Variants in ATP1A2 observed in about 807,000 individuals in gnomAD.
ATP1A2 encodes sodium/potassium-transporting ATPase subunit alpha-2.
In ATP1A2, 56 loss-of-function variants were observed where a neutral mutation model predicts 113.1. The observed-to-expected ratio is 0.49, with a 90% CI of 0.40 to 0.62. ATP1A2 has a LOEUF of 0.62. Among genes scored for constraint, ATP1A2 ranks in the 20% least tolerant of loss-of-function variants. ATP1A2 has a pLI of 0.00. For missense variants in ATP1A2, 712 were observed against 1,357.8 expected, an observed-to-expected ratio of 0.52 and a Z score of 7.47; for synonymous variants, 490 against 526.8, an observed-to-expected ratio of 0.93 and a Z score of 0.96.
intron 13 of ATP1A2, among the ~76,000 whole-genome samples, chr1:160,132,135 A>G (rs61034695): frequency 4.6e-5 from 7 of 152,334 alleles, no homozygotes; most frequent in African/African-American, 1.7e-4. Context: ...AGTATTCTGC[A>G]AAGCAGTGAG....
chr1:160,128,477 A>T lies in ATP1A2; in HGVS notation c.1018-175A>T, dbSNP rs773699692. 7.8e-6 allele frequency: 12 copies of T among 1,529,164 alleles called. No homozygotes were observed. In the East Asian group the frequency reaches 2.9e-4, roughly 37 times the overall value. 94.7% of individuals were successfully genotyped at this position (1,529,164 alleles called of 1,614,324 possible). ...TAATGGGCATTTCATCTTAACAGAT[A>T]CTCATGATCTCAACACATCTAAAAT... On this transcript the variant is annotated intron_variant, in intron 8 of 22. Coordinates refer to ENST00000361216, the MANE Select transcript of ATP1A2 (RefSeq NM_000702.4).
Position 160,135,086 on chromosome 1 carries a change from C to T in ATP1A2, c.1965-59C>T. Reference sequence around the variant, plus strand: ...TGCGGTGGTGAAGAGAGGCAGGGGGCAGGAGGGGCTGGTACAGGTGCCAGG... The same window carrying T: ...TGCGGTGGTGAAGAGAGGCAGGGGGTAGGAGGGGCTGGTACAGGTGCCAGG... On this transcript the variant is annotated intron_variant, in intron 14 of 22. Coordinates refer to ENST00000361216, the MANE Select transcript of ATP1A2 (RefSeq NM_000702.4). This position sits in a 1 kb window ranked among gnomAD's most constrained non-coding sequence, Gnocchi z 6.3. 2 of 1,609,132 alleles carry T rather than the reference C, an allele frequency of 1.2e-6. No individual in the cohort carries two copies. The highest frequency in any genetic ancestry group is 1.7e-6 in the Non-Finnish European group (2 of 1,177,304).
Position 160,130,265 on chromosome 1 carries a change from T to C in ATP1A2, c.1625T>C (p.Leu542Pro), listed in dbSNP as rs1373218683. ...QDAFQNAYME[L>P]GGLGERVLGF... ...GCCTTTCAAAATGCCTACATGGAGC[T>C]GGGGGGACTTGGGGAGCGTGTGCTG... Residue 542 changes from leucine (L) to proline (P), a missense_variant, in exon 12 of 23, where the codon CTG (leucine) becomes CCG (proline). Leu to Pro is a moderately conservative substitution (Grantham distance 98). Transcript: ENST00000361216. 1 of 1,613,984 alleles carries C rather than the reference T, an allele frequency of 6.2e-7. No individual in the cohort carries two copies. The highest frequency in any genetic ancestry group is 1.7e-5 in the Admixed American group (1 of 60,014).
intron 3 of ATP1A2, 55 bp from the exon 4 acceptor site, chr1:160,123,158 G>C: frequency 6.3e-7 from 1 of 1,597,488 alleles, no homozygotes; most frequent in South Asian, 1.1e-5. Flanking sequence ...TGGGCATGGT[G>C]ACTGGCTGGG....
chr1:160,134,511 A>G lies in ATP1A2; in HGVS notation c.1855A>G (p.Ile619Val), dbSNP rs1357682474. 2.5e-6 allele frequency: 4 copies of G among 1,614,088 alleles called. No homozygotes were observed. The highest frequency in any genetic ancestry group is 1.1e-5 in the South Asian group (1 of 91,086). The change falls in exon 14 of 23, where the codon ATC becomes GTC. Residue 619 changes from isoleucine to valine, a missense_variant. By Grantham distance (29) the Ile-to-Val change is conservative. Around this residue, in one of 6 missense-constraint regions of ATP1A2, gnomAD observed 263 missense variants for 380.6 expected, o/e 0.69. Transcript: ENST00000361216. The part of the protein sequence containing the change: ...KVIMVTGDHP[I>V]TAKAIAKGVG... ...GATCATGGTAACCGGGGATCACCCT[A>G]TCACAGCCAAGGCCATTGCCAAAGG... is the stretch of plus-strand genomic sequence containing the variant.
Position 160,128,704 on chromosome 1 carries a change from A to G in ATP1A2, c.1070A>G (p.Lys357Arg). 6.2e-7 allele frequency: 1 copy of G among 1,614,160 alleles called. No homozygotes were observed. The highest frequency in any genetic ancestry group is 1.1e-5 in the South Asian group (1 of 91,076). Residue 357 changes from lysine (K) to arginine (R), a missense_variant, in exon 9 of 23, where the codon AAG becomes AGG. Transcript: ENST00000361216. ...KRMARKNCLVKNLEAVETLGS... is the reference protein window; with the variant it reads ...KRMARKNCLVRNLEAVETLGS... ...ATGGCACGGAAGAACTGCCTGGTGA[A>G]GAACCTGGAGGCGGTGGAGACGCTG...
chr1:160,124,569 T>A (rs1169155507), intron 6 of ATP1A2, 139 bp downstream of exon 6: 1 of 1,322,908 alleles, frequency 7.6e-7, no homozygotes, highest in East Asian at 2.5e-5. Flanking sequence ...TGCTAAACCT[T>A]CTCTCAGTGT....
Position 160,127,816 on chromosome 1 carries a change from T to G in ATP1A2, c.1013T>G (p.Val338Gly). Residue 338 changes from valine (V) to glycine (G), a missense_variant, in exon 8 of 23, where the codon GTC becomes GGC. This residue lies in a region of ATP1A2 where 44 missense variants were observed against 153.1 expected (regional missense o/e 0.29). Transcript: ENST00000361216. Reference sequence around the variant, plus strand: ...GTGCCTGAGGGGCTTCTGGCCACTGTCACTGTGAGTGGGTCAGGCTGAGGT... The same window carrying G: ...GTGCCTGAGGGGCTTCTGGCCACTGGCACTGTGAGTGGGTCAGGCTGAGGT... ...ANVPEGLLAT[V>G]TVCLTLTAKR... 1 of 1,599,060 alleles carries G rather than the reference T, an allele frequency of 6.3e-7. No homozygotes were observed. Among genetic ancestry groups the G allele is most frequent in the Non-Finnish European group, 8.5e-7 (1 of 1,171,570 alleles).
rs755887737 is a variant in ATP1A2 at position 160,137,034 on chromosome 1, G to A, written c.2840+3G>A. 2 of 1,614,086 alleles carry A rather than the reference G, an allele frequency of 1.2e-6. No homozygotes were observed. Among genetic ancestry groups the A allele is most frequent in the African/African-American group, 1.3e-5 (1 of 75,010 alleles). ...TCAGTCTTCCAGCAGGGCATGAAGTGAGTGCCCACCCCCATGGCACCTACC... is the reference window on the plus strand; with the variant it reads ...TCAGTCTTCCAGCAGGGCATGAAGTAAGTGCCCACCCCCATGGCACCTACC... On this transcript the variant is annotated splice_donor_region_variant and intron_variant, in intron 20 of 22. Coordinates refer to ENST00000361216, the MANE Select transcript of ATP1A2 (RefSeq NM_000702.4).
intron 19 of ATP1A2, 69 bp downstream of exon 19, chr1:160,136,784 G>A: frequency 6.2e-7 from 1 of 1,613,980 alleles, no homozygotes; most frequent in Non-Finnish European, 8.5e-7. Context: ...TGGCAGGAGT[G>A]GCCAGTGGTG....
intron 13 of ATP1A2, among the ~76,000 whole-genome samples, chr1:160,131,584 G>C (rs1013744432): frequency 6.6e-6 from 1 of 152,168 alleles, no homozygotes; most frequent in Non-Finnish European, 1.5e-5. Flanking sequence ...AGCACTTTGG[G>C]GGGGTCCAAG....
chr1:160,135,665 G>C lies in ATP1A2; in HGVS notation c.2284+63G>C, dbSNP rs1570994438. 2.5e-6 allele frequency: 4 copies of C among 1,612,208 alleles called. No homozygotes were observed. Among genetic ancestry groups the C allele is most frequent in the Non-Finnish European group, 2.5e-6 (3 of 1,179,798 alleles). ...ACTGAAGCCGGCACCTCTGTTCCCTGTCCCTTTACCCCAGTTGAAGAATCA... is the reference window on the plus strand; with the variant it reads ...ACTGAAGCCGGCACCTCTGTTCCCTCTCCCTTTACCCCAGTTGAAGAATCA... On this transcript the variant is annotated intron_variant, in intron 16 of 22. Transcript: ENST00000361216. This position sits in a 1 kb window ranked among gnomAD's most constrained non-coding sequence, Gnocchi z 6.3.
chr1:160,116,560 C>T (rs1651193436), intron 1 of ATP1A2, among the ~76,000 whole-genome samples: 1 of 152,000 alleles, frequency 6.6e-6, no homozygotes, highest in Non-Finnish European at 1.5e-5. Flanking sequence ...CCAGTCCACC[C>T]GTCCATGGCA....
chr1:160,136,240 C>T lies in ATP1A2; in HGVS notation c.2440-7C>T. ...GCCCTCCCTGCCCCATTTCCTACCC[C>T]ACACAGGTCCCTGCCATCTCCTTGG... On this transcript the variant is annotated splice_polypyrimidine_tract_variant and splice_region_variant and intron_variant, in intron 17 of 22. Coordinates refer to ENST00000361216, the MANE Select transcript of ATP1A2 (RefSeq NM_000702.4). The T allele has an allele frequency of 6.2e-7, 1 of 1,614,174 alleles. No homozygotes were observed. Among genetic ancestry groups the T allele is most frequent in the Non-Finnish European group, 8.5e-7 (1 of 1,180,032 alleles).
chr1:160,130,722 A>G, intron 13 of ATP1A2, 125 bp downstream of exon 13: 2 of 1,357,432 alleles, frequency 1.5e-6, no homozygotes, highest in Non-Finnish European at 2.0e-6. Context: ...CTCAGAGAAG[A>G]AGCTGTCCAT....
chr1:160,136,091 G>A, intron 17 of ATP1A2, 98 bp downstream of exon 17: 3 of 1,605,494 alleles, frequency 1.9e-6, no homozygotes, highest in Admixed American at 1.7e-5. Context: ...CAGCTGTGGG[G>A]GTTACAGGAG....
chr1:160,140,067 C>T (rs1210375130), intron 22 of ATP1A2, 83 bp downstream of exon 22: 1 of 1,357,180 alleles, frequency 7.4e-7, no homozygotes, highest in African/African-American at 1.4e-5. Flanking sequence ...GACTCCACTC[C>T]CACTACTGGT....
chr1:160,141,530 C>T lies in ATP1A2; in HGVS notation c.*208C>T. 3 of 656,366 alleles carry T rather than the reference C, an allele frequency of 4.6e-6. No homozygotes were observed. Among genetic ancestry groups the T allele is most frequent in the Non-Finnish European group, 8.3e-6 (3 of 362,200 alleles). 40.7% of individuals were successfully genotyped at this position (656,366 alleles called of 1,614,324 possible). On this transcript the variant is annotated 3_prime_UTR_variant, in exon 23 of 23. Coordinates refer to ENST00000361216, the MANE Select transcript of ATP1A2 (RefSeq NM_000702.4). ...TAACTGTGAACAATCAGATTAGACA[C>T]TATGTGTTAGAGTCCCCCCGACCAG...
At chr1:160,121,629 G>A (rs2101984284) in intron 3 of ATP1A2, among the ~76,000 whole-genome samples, 1 of 152,366 alleles carries the variant, frequency 6.6e-6, no homozygotes, top group African/African-American at 2.4e-5. Flanking sequence ...ACAGTGATTT[G>A]CTGGGCCCCT....
Sources: gnomAD v4.1 joint callset for allele counts (sites outside exome capture counted in the v4.1 genomes callset) on GRCh38, gnomAD v4.1.1 for gene constraint, gnomAD v4.1.1 regional missense constraint, Gnocchi (gnomAD v3.1) non-coding constraint, MANE v1.5 for transcripts, NCBI Gene and HGNC (gene_info 2026-07-23, HGNC 2026-07-21) for gene names.